Variants in SIGLEC14 observed in about 807,000 individuals in gnomAD.
SIGLEC14 encodes the protein sialic acid-binding Ig-like lectin 14.
Under a neutral mutation model 34.2 loss-of-function variants are expected in SIGLEC14, and 11 were observed. That is an observed-to-expected ratio of 0.32 (90% CI 0.20 to 0.53). SIGLEC14 has a LOEUF of 0.53. SIGLEC14 is among the 20% of genes least tolerant of loss of function. The probability of loss-of-function intolerance (pLI) is 0.95; values close to 1 mark genes in which losing one functional copy is unlikely to be tolerated. For missense variants in SIGLEC14, 264 were observed against 439.0 expected, an observed-to-expected ratio of 0.60 and a Z score of 3.56; for synonymous variants, 99 against 179.7, an observed-to-expected ratio of 0.55 and a Z score of 3.59.
At position 51,645,572 on chromosome 19, in the gene SIGLEC14, A is replaced by G. The variant is rs748975865; in HGVS notation, c.701-42T>C. On this transcript the variant is annotated intron_variant, in intron 3 of 6. Transcript: ENST00000360844. ...CAGCACCAGCTTCAGAGGTGACAAG[A>G]GGGATGGGCGTGGTCCCGGGAGGGA... The G allele has an allele frequency of 2.0e-6, 3 of 1,514,482 alleles. 1 individual carries two copies. The highest frequency in any genetic ancestry group is 2.4e-5 in the South Asian group (2 of 82,698). The allele number at this position is 1,514,482 out of a possible 1,614,324, so 93.8% of individuals were successfully genotyped here. A position where few individuals can be genotyped will look rare whatever the true frequency, so the allele number is the denominator to read the frequency against.
intron 6 of SIGLEC14, 50 bp downstream of exon 6, chr19:51,643,487 A>T: frequency 1.5e-6 from 2 of 1,299,164 alleles, no homozygotes; most frequent in Non-Finnish European, 1.0e-6. Context: ...AGGACAGCTC[A>T]GCCCCACCTG....
Position 51,642,123 on chromosome 19 carries a change from A to G in SIGLEC14, c.*1232T>C, listed in dbSNP as rs1983918969. ...CAGGGGAAAGAAGGAAATATTTTGA[A>G]CTAATATAAAAATACAACATAACAA... On this transcript the variant is annotated 3_prime_UTR_variant, in exon 7 of 7. Transcript: ENST00000360844. Among the ~76,000 whole-genome samples the G allele has an allele frequency of 7.2e-6, 1 of 139,434 alleles. No homozygotes were observed. The highest frequency in any genetic ancestry group is 6.9e-5 in the Admixed American group (1 of 14,414). The allele number at this position is 139,434 out of a possible 152,430, so 91.5% of individuals were successfully genotyped here.
At chr19:51,643,468 TCC>T in intron 6 of SIGLEC14, 67 bp downstream of exon 6, 2 of 1,268,400 alleles carry the variant, frequency 1.6e-6, no homozygotes, top group Non-Finnish European at 2.0e-6. Flanking sequence ...GGCTGAGCTG[TCC>T]TGGGGCAGGA....
intron 4 of SIGLEC14, among the ~76,000 whole-genome samples, chr19:51,645,167 A>G (rs979208136): frequency 7.2e-6 from 1 of 139,546 alleles, no homozygotes; most frequent in Non-Finnish European, 1.5e-5. Flanking sequence ...TGGTTTTGCA[A>G]CAATGTGAAC....
At position 51,643,107 on chromosome 19, in the gene SIGLEC14, C is replaced by T. The variant is rs1340184240; in HGVS notation, c.*248G>A. The T allele has an allele frequency of 9.5e-5, 39 of 408,652 alleles. 4 individuals carry two copies. Among genetic ancestry groups the T allele is most frequent in the Admixed American group, 2.9e-4 (9 of 31,184 alleles). The allele number at this position is 408,652 out of a possible 1,614,324, so 25.3% of individuals were successfully genotyped here. A position where few individuals can be genotyped will look rare whatever the true frequency, so the allele number is the denominator to read the frequency against. On this transcript the variant is annotated 3_prime_UTR_variant, in exon 7 of 7. Coordinates refer to ENST00000360844, the MANE Select transcript of SIGLEC14 (RefSeq NM_001098612.3). ...CCGAAAGTACATTCCCTTCACAGGGCTGGAGATGGTGGATGGAGAGGGAAG... is the reference window on the plus strand; with the variant it reads ...CCGAAAGTACATTCCCTTCACAGGGTTGGAGATGGTGGATGGAGAGGGAAG...
Position 51,643,471 on chromosome 19 carries a change from T to C in SIGLEC14, c.1148+66A>G. 2 of 1,197,140 alleles carry C rather than the reference T, an allele frequency of 1.7e-6. 1 individual carries two copies. The highest frequency in any genetic ancestry group is 2.2e-6 in the Non-Finnish European group (2 of 920,662). 74.2% of individuals were successfully genotyped at this position (1,197,140 alleles called of 1,614,324 possible). On this transcript the variant is annotated intron_variant, in intron 6 of 6. Coordinates refer to ENST00000360844, the MANE Select transcript of SIGLEC14 (RefSeq NM_001098612.3). ...AATTCCAGGTGGGGCTGAGCTGTCC[T>C]GGGGCAGGACAGCTCAGCCCCACCT... is the stretch of plus-strand genomic sequence containing the variant.
At position 51,641,044 on chromosome 19, in the gene SIGLEC14, G is replaced by A. The variant is rs184039217; in HGVS notation, c.*2311C>T. 5.4e-4 allele frequency among the ~76,000 whole-genome samples: 75 copies of A among 138,684 alleles called. 8 individuals carry two copies. The highest frequency in any genetic ancestry group is 9.3e-4 in the Non-Finnish European group (60 of 64,790). The allele number at this position is 138,684 out of a possible 152,430, so 91.0% of individuals were successfully genotyped here. A position where few individuals can be genotyped will look rare whatever the true frequency, so the allele number is the denominator to read the frequency against. On this transcript the variant is annotated 3_prime_UTR_variant, in exon 7 of 7. Coordinates refer to ENST00000360844, the MANE Select transcript of SIGLEC14 (RefSeq NM_001098612.3). ...AATTCTTAATATGTATGCACCTAAC[G>A]ACAGAGTTTAAAAATACATGCAGCA...
intron 6 of SIGLEC14, 39 bp downstream of exon 6, chr19:51,643,498 G>A (rs1428693309): frequency 6.9e-7 from 1 of 1,444,850 alleles, no homozygotes; most frequent in Non-Finnish European, 9.1e-7. Context: ...GCCCCACCTG[G>A]AACTCAGGAG....
intron 3 of SIGLEC14, 79 bp from the exon 4 acceptor site, chr19:51,645,609 G>C: frequency 6.8e-7 from 1 of 1,468,148 alleles, no homozygotes; most frequent in South Asian, 1.2e-5. Flanking sequence ...CCAAGGAGGG[G>C]CCACAGAAAC....
In SIGLEC14 at chr19:51,645,524, G is replaced by A. The variant is rs370805037; in HGVS notation, c.707C>T (p.Pro236Leu). Residue 236 changes from proline to leucine, a missense_variant, in exon 4 of 7, where the codon CCA (proline) becomes CTA (leucine). Transcript: ENST00000360844. ...RTVQLNVSYA[P>L]QNLAISIFFR... Reference sequence around the variant, plus strand: ...GAAGATGCTGATGGCGAGGTTCTGTGGAGCATCTGGGATAGAAAGATACAG... The same window carrying A: ...GAAGATGCTGATGGCGAGGTTCTGTAGAGCATCTGGGATAGAAAGATACAG... The A allele has an allele frequency of 3.3e-6, 5 of 1,532,266 alleles. No individual in the cohort carries two copies. In the African/African-American group the frequency reaches 7.4e-5, roughly 23 times the overall value. The allele number at this position is 1,532,266 out of a possible 1,614,324, so 94.9% of individuals were successfully genotyped here.
In SIGLEC14 at chr19:51,643,261, T is replaced by G; in HGVS notation, c.*94A>C. 8.3e-7 allele frequency: 1 copy of G among 1,203,648 alleles called. No homozygotes were observed. Among genetic ancestry groups the G allele is most frequent in the Non-Finnish European group, 1.2e-6 (1 of 856,292 alleles). 74.6% of individuals were successfully genotyped at this position (1,203,648 alleles called of 1,614,324 possible). On this transcript the variant is annotated 3_prime_UTR_variant, in exon 7 of 7. Transcript: ENST00000360844. ...AGGAAAAGAGGGGTAGTCAGTGGGA[T>G]GTGAGCTTCCAGAAAGAAGCTGACA...
In SIGLEC14 at chr19:51,640,581, C is replaced by G. The variant is rs1443239253; in HGVS notation, c.*2774G>C. 7.2e-6 allele frequency among the ~76,000 whole-genome samples: 1 copy of G among 139,408 alleles called. No individual in the cohort carries two copies. Among genetic ancestry groups the G allele is most frequent in the Admixed American group, 6.9e-5 (1 of 14,466 alleles). 91.5% of individuals were successfully genotyped at this position (139,408 alleles called of 152,430 possible). A position where few individuals can be genotyped will look rare whatever the true frequency, so the allele number is the denominator to read the frequency against. ...TGTGAAAATGCATACTATGCAAATA[C>G]TAGTCAAAAGAAAACTGGAATGGCT... On this transcript the variant is annotated 3_prime_UTR_variant, in exon 7 of 7. Coordinates refer to ENST00000360844, the MANE Select transcript of SIGLEC14 (RefSeq NM_001098612.3).
chr19:51,645,238 G>A (rs1192635208), intron 4 of SIGLEC14, among the ~76,000 whole-genome samples: 1 of 139,420 alleles, frequency 7.2e-6, no homozygotes, highest in Non-Finnish European at 1.5e-5. Flanking sequence ...TTTGTGCTAT[G>A]TGTATTTTCT....
rs780993591 is a variant in SIGLEC14 at position 51,645,428 on chromosome 19, T to G, written c.754+49A>C. The G allele has an allele frequency of 2.7e-6, 4 of 1,458,730 alleles. 1 individual carries two copies. The South Asian group carries it at 4.9e-5, about 18-fold the overall frequency. 90.4% of individuals were successfully genotyped at this position (1,458,730 alleles called of 1,614,324 possible). On this transcript the variant is annotated intron_variant, in intron 4 of 6. Coordinates refer to ENST00000360844, the MANE Select transcript of SIGLEC14 (RefSeq NM_001098612.3). ...CCTCTCCCAATGCTGAACCCTGAGC[T>G]AATAGAAGGCTCCCATCACAGCCCC...
Position 51,645,699 on chromosome 19 carries a change from T to TAC in SIGLEC14, c.700+81_700+82dup, listed in dbSNP as rs34215019. ...TCATTCTCTTTCTCTCTCTCTCTTCTACACACACACACACACACACACACA... is the reference window on the plus strand; with the variant it reads ...TCATTCTCTTTCTCTCTCTCTCTTCTACACACACACACACACACACACACACA... On this transcript the variant is annotated intron_variant, in intron 3 of 6. Coordinates refer to ENST00000360844, the MANE Select transcript of SIGLEC14 (RefSeq NM_001098612.3). 5,292 of 1,138,834 alleles carry TAC rather than the reference T, an allele frequency of 4.6e-3. 210 individuals are homozygous for TAC. In the African/African-American group the frequency reaches 0.054, roughly 12 times the overall value. 70.5% of individuals were successfully genotyped at this position (1,138,834 alleles called of 1,614,324 possible). A position where few individuals can be genotyped will look rare whatever the true frequency, so the allele number is the denominator to read the frequency against.
In SIGLEC14 at chr19:51,641,892, ACACTTTAC is replaced by A. The variant is rs1215788827; in HGVS notation, c.*1455_*1462del. ...ATAATCTGTACAACAAACTCCCATG[ACACTTTAC>A]CTATGTAACAAACCTGCACTTGTGC... On this transcript the variant is annotated 3_prime_UTR_variant, in exon 7 of 7. Coordinates refer to ENST00000360844, the MANE Select transcript of SIGLEC14 (RefSeq NM_001098612.3). Among the ~76,000 whole-genome samples the A allele has an allele frequency of 7.9e-5, 11 of 138,830 alleles. 4 individuals carry two copies. The highest frequency in any genetic ancestry group is 3.0e-4 in the African/African-American group (11 of 36,414). The allele number at this position is 138,830 out of a possible 152,430, so 91.1% of individuals were successfully genotyped here. A position where few individuals can be genotyped will look rare whatever the true frequency, so the allele number is the denominator to read the frequency against.
rs1983996785 is a variant in SIGLEC14, at chr19:51,644,807, G to T, written c.754+670C>A. Among the ~76,000 whole-genome samples the T allele has an allele frequency of 1.5e-5, 2 of 137,844 alleles. 1 individual carries two copies. Among genetic ancestry groups the T allele is most frequent in the Non-Finnish European group, 3.1e-5 (2 of 64,654 alleles). The allele number at this position is 137,844 out of a possible 152,430, so 90.4% of individuals were successfully genotyped here. A position where few individuals can be genotyped will look rare whatever the true frequency, so the allele number is the denominator to read the frequency against. The stretch of plus-strand genomic sequence containing the variant: ...TAAATGTGCAGATCTGTGCCTCAGA[G>T]AAAGGGCTGGATATAAAGTTGTGGG... On this transcript the variant is annotated intron_variant, in intron 4 of 6. Coordinates refer to ENST00000360844, the MANE Select transcript of SIGLEC14 (RefSeq NM_001098612.3).
At position 51,646,036 on chromosome 19, in the gene SIGLEC14, T is replaced by C. The variant is rs1984033910; in HGVS notation, c.446A>G (p.His149Arg). Residue 149 changes from histidine to arginine, a missense_variant, in exon 3 of 7, where the codon CAC (histidine) becomes CGC (arginine). His to Arg is a conservative substitution (Grantham distance 29, BLOSUM62 0). Transcript: ENST00000360844. ...GCCGGACTCCAGAGGCTCCAGAAAG[T>C]GGATGTCGGGTTTCTCTATCAGGGC... Reference protein sequence around the residue: ...VTALIEKPDIHFLEPLESGRP... With the variant: ...VTALIEKPDIRFLEPLESGRP... 8.2e-7 allele frequency: 1 copy of C among 1,212,428 alleles called. No homozygotes were observed. The highest frequency in any genetic ancestry group is 2.0e-5 in the African/African-American group (1 of 49,658). 75.1% of individuals were successfully genotyped at this position (1,212,428 alleles called of 1,614,324 possible).
chr19:51,639,606 C>T lies in SIGLEC14; in HGVS notation c.*3749G>A, dbSNP rs1196303579. ...CCAGATAGTATCTTTTCGTGGTATC[C>T]TCACATGGCAGAAGAGGAAAACACA... On this transcript the variant is annotated 3_prime_UTR_variant, in exon 7 of 7. Transcript: ENST00000360844. 7.2e-6 allele frequency: 1 copy of T among 139,092 alleles called. No individual in the cohort carries two copies. The highest frequency in any genetic ancestry group is 1.5e-5 in the Non-Finnish European group (1 of 64,894). The allele number at this position is 139,092 out of a possible 1,614,324, so 8.6% of individuals were successfully genotyped here. A position where few individuals can be genotyped will look rare whatever the true frequency, so the allele number is the denominator to read the frequency against.
Sources: allele counts gnomAD v4.1 joint callset (sites outside exome capture counted in the v4.1 genomes callset), GRCh38; gene constraint gnomAD v4.1.1; transcripts MANE v1.5; gene names NCBI Gene and HGNC (gene_info 2026-07-23, HGNC 2026-07-21).